Variants in DBF4B observed in about 807,000 individuals in gnomAD.
DBF4B encodes protein DBF4 homolog B.
Under a neutral mutation model 53.4 loss-of-function variants are expected in DBF4B, and 49 were observed. The observed-to-expected ratio is 0.92, with a 90% CI of 0.73 to 1.16. The LOEUF (loss-of-function observed/expected upper bound fraction) is 1.16, where lower values mean the gene tolerates loss of function less well. DBF4B is among the 50% of genes most tolerant of loss of function. The pLI is 0.00. For synonymous variants in DBF4B, 257 were observed against 288.7 expected, an observed-to-expected ratio of 0.89 and a Z score of 1.11; for missense variants, 692 against 775.0, an observed-to-expected ratio of 0.89 and a Z score of 1.27.
chr17:44,751,277 C>A lies in DBF4B; in HGVS notation c.*24C>A. 1.2e-6 allele frequency: 2 copies of A among 1,600,540 alleles called. No homozygotes were observed. The highest frequency in any genetic ancestry group is 1.7e-6 in the Non-Finnish European group (2 of 1,173,016). On this transcript the variant is annotated 3_prime_UTR_variant, in exon 14 of 14. Coordinates refer to ENST00000315005, the MANE Select transcript of DBF4B (RefSeq NM_145663.3). ...AGAGGTGAACCCAGAACACCTGAGA[C>A]TTGACCCAGGATGGATGGGTGCTGC...
chr17:44,738,344 A>T, intron 8 of DBF4B, 35 bp from the exon 9 acceptor site: 1 of 1,607,686 alleles, frequency 6.2e-7, no homozygotes, highest in South Asian at 1.1e-5. Flanking sequence ...ACAGGGGCAG[A>T]CAGATAGCTG....
intron 2 of DBF4B, among the ~76,000 whole-genome samples, chr17:44,716,258 G>A (rs990810275): frequency 1.3e-5 from 2 of 152,038 alleles, no homozygotes; most frequent in Admixed American, 1.3e-4. Flanking sequence ...AATTTTGTGG[G>A]GGAGGGACCT....
At chr17:44,727,123 C>CCA (rs1328003423) in intron 3 of DBF4B, among the ~76,000 whole-genome samples, 12 of 124,978 alleles carry the variant, frequency 9.6e-5, no homozygotes, top group African/African-American at 3.7e-4. Context: ...AAAAAAAAAA[C>CCA]CATATATATA....
intron 10 of DBF4B, among the ~76,000 whole-genome samples, chr17:44,744,677 C>G: frequency 6.6e-6 from 1 of 152,158 alleles, no homozygotes; most frequent in East Asian, 1.9e-4. Flanking sequence ...CGGATACCAA[C>G]TTATATGTTT....
intron 3 of DBF4B, among the ~76,000 whole-genome samples, chr17:44,726,340 CTTACCCAG>C (rs1200844275): frequency 2.2e-5 from 1 of 45,862 alleles, no homozygotes; most frequent in Non-Finnish European, 5.0e-5. Flanking sequence ...TTATTTTTGC[CTTACCCAG>C]TTGCCTGCAA....
At chr17:44,719,931 C>A (rs867976847) in intron 2 of DBF4B, 17 of 206,402 alleles carry the variant, frequency 8.2e-5, no homozygotes, top group Non-Finnish European at 1.6e-4. Context: ...TGTCAAAGGT[C>A]TCACCTTCCT....
intron 2 of DBF4B, among the ~76,000 whole-genome samples, chr17:44,721,073 C>T (rs571097283): frequency 5.5e-4 from 84 of 151,966 alleles, no homozygotes; most frequent in Non-Finnish European, 1.1e-3. Flanking sequence ...ACCATGTTGG[C>T]CAGGCTGGTC....
In DBF4B at chr17:44,729,728, C is replaced by CACACACACACA. The variant is rs1190920013; in HGVS notation, c.226-177_226-176insACACACACACA. Among the ~76,000 whole-genome samples the CACACACACACA allele has an allele frequency of 2.4e-3, 298 of 126,146 alleles. 1 individual carries two copies. The highest frequency in any genetic ancestry group is 8.1e-3 in the African/African-American group (285 of 35,094). 82.8% of individuals were successfully genotyped at this position (126,146 alleles called of 152,430 possible). ...CACACACACACACACACACACACAC[C>CACACACACACA]CCATTAGATTTCAGGATGATGTCTT... On this transcript the variant is annotated intron_variant, in intron 3 of 13. Transcript: ENST00000315005.
intron 8 of DBF4B, 147 bp downstream of exon 8, chr17:44,737,013 G>C: frequency 1.0e-6 from 1 of 965,140 alleles, no homozygotes; most frequent in Non-Finnish European, 1.6e-6. Flanking sequence ...TCCAGGGCCT[G>C]GTCCTCAGGT....
chr17:44,731,056 C>T, intron 5 of DBF4B, 41 bp downstream of exon 5: 2 of 1,611,884 alleles, frequency 1.2e-6, no homozygotes, highest in African/African-American at 2.7e-5. Context: ...TGGTCTCCAG[C>T]ATAGGGAGGG....
intron 5 of DBF4B, chr17:44,731,876 A>G: frequency 3.2e-6 from 1 of 312,918 alleles, no homozygotes; most frequent in Non-Finnish European, 6.0e-6. Flanking sequence ...TTCCTCGCAG[A>G]GGCCCTCCCA....
chr17:44,745,710 A>G (rs1567673961), intron 10 of DBF4B, among the ~76,000 whole-genome samples: 1 of 152,244 alleles, frequency 6.6e-6, no homozygotes, highest in Non-Finnish European at 1.5e-5. Flanking sequence ...GCCTAACCAT[A>G]TCATTTGCTA....
chr17:44,727,873 T>C (rs1371594732), intron 3 of DBF4B, among the ~76,000 whole-genome samples: 7 of 146,576 alleles, frequency 4.8e-5, no homozygotes, highest in Admixed American at 1.4e-4. Flanking sequence ...AATTTTTTTT[T>C]TTTTTTTTTT....
chr17:44,749,787 G>A lies in DBF4B; in HGVS notation c.1190-808G>A, dbSNP rs11554258. 77,855 of 1,065,146 alleles carry A rather than the reference G, an allele frequency of 0.073. 3,209 individuals are homozygous for A. The highest frequency in any genetic ancestry group is 0.082 in the Non-Finnish European group (71,672 of 876,024). 66.0% of individuals were successfully genotyped at this position (1,065,146 alleles called of 1,614,324 possible). ...GGCCCTTGCCTCTCTGCAGAGCCGC[G>A]GGTTAGCTGTTGGTGTGCTCCACCC... is the stretch of plus-strand genomic sequence containing the variant. On this transcript the variant is annotated intron_variant, in intron 13 of 13. Coordinates refer to ENST00000315005, the MANE Select transcript of DBF4B (RefSeq NM_145663.3). This position sits in a 1 kb window ranked among gnomAD's most constrained non-coding sequence, Gnocchi z 4.4.
intron 2 of DBF4B, among the ~76,000 whole-genome samples, chr17:44,713,055 T>C (rs1353753498): frequency 6.9e-6 from 1 of 145,652 alleles, no homozygotes; most frequent in Non-Finnish European, 1.5e-5. Flanking sequence ...TTTTTTTTTT[T>C]TTGAGACAGA....
Position 44,722,937 on chromosome 17 carries a change from C to T in DBF4B, c.140C>T (p.Pro47Leu). ...QKNSPGARKHPFSGKSFYLDL... is the reference protein window; with the variant it reads ...QKNSPGARKHLFSGKSFYLDL... ...AACTCACCAGGTGCCAGGAAGCATC[C>T]CTTTTCCGGAAAGTCCTTTTACTTG... Residue 47 changes from proline to leucine, a missense_variant, in exon 3 of 14, where the codon CCC becomes CTC. By Grantham distance (98) the Pro-to-Leu change is moderately conservative (BLOSUM62 -3). Transcript: ENST00000315005. 1 of 1,614,140 alleles carries T rather than the reference C, an allele frequency of 6.2e-7. No individual in the cohort carries two copies. Among genetic ancestry groups the T allele is most frequent in the African/African-American group, 1.3e-5 (1 of 75,036 alleles).
Position 44,748,786 on chromosome 17 carries a change from C to G in DBF4B, c.1189+321C>G. On this transcript the variant is annotated intron_variant, in intron 13 of 13. Transcript: ENST00000315005. ...GGCTTCATTTTTTGTCCCAATAGCCCCCAACCCCTGCGGCACCAGGACAAC... is the reference window on the plus strand; with the variant it reads ...GGCTTCATTTTTTGTCCCAATAGCCGCCAACCCCTGCGGCACCAGGACAAC... 5 of 1,311,992 alleles carry G rather than the reference C, an allele frequency of 3.8e-6. No individual in the cohort carries two copies. The South Asian group carries it at 6.2e-5, about 16-fold the overall frequency. The allele number at this position is 1,311,992 out of a possible 1,614,324, so 81.3% of individuals were successfully genotyped here. A position where few individuals can be genotyped will look rare whatever the true frequency, so the allele number is the denominator to read the frequency against.
chr17:44,739,071 A>G (rs1975741798), intron 9 of DBF4B, among the ~76,000 whole-genome samples: 1 of 152,158 alleles, frequency 6.6e-6, no homozygotes. Flanking sequence ...GCTAGAATCC[A>G]GGTGTCCTGC....
intron 2 of DBF4B, among the ~76,000 whole-genome samples, chr17:44,721,739 C>T (rs1478508039): frequency 1.3e-5 from 2 of 151,318 alleles, no homozygotes; most frequent in African/African-American, 4.9e-5. Flanking sequence ...GGGACATTAG[C>T]CACTCTGATT....
Sources: allele counts gnomAD v4.1 joint callset (sites outside exome capture counted in the v4.1 genomes callset), GRCh38; gene constraint gnomAD v4.1.1; non-coding constraint Gnocchi (gnomAD v3.1); transcripts MANE v1.5; gene names NCBI Gene and HGNC (gene_info 2026-07-23, HGNC 2026-07-21).